The following PCDHGB7 variants were observed in gnomAD, a reference collection of about 807,000 sequenced individuals.
PCDHGB7 encodes protocadherin gamma-B7.
PCDHGB7 carries 37 observed loss-of-function variants against 61.4 expected under a neutral mutation model. The ratio of observed to expected loss-of-function variants is 0.60; its 90% CI spans 0.46 to 0.79. The LOEUF (loss-of-function observed/expected upper bound fraction) is 0.79. PCDHGB7 is among the 30% of genes least tolerant of loss of function. PCDHGB7 has a pLI of 0.00. For missense variants in PCDHGB7, 1,166 were observed against 1,202.5 expected, an observed-to-expected ratio of 0.97 and a Z score of 0.45; for synonymous variants, 464 against 503.5, an observed-to-expected ratio of 0.92 and a Z score of 1.05.
At chr5:141,433,935 T>G (rs2097665519) in intron 1 of PCDHGB7, among the ~76,000 whole-genome samples, 2 of 152,150 alleles carry the variant, frequency 1.3e-5, no homozygotes, top group African/African-American at 2.4e-5. Context: ...GATTTTATAA[T>G]TCCATTGTTT....
intron 1 of PCDHGB7, chr5:141,478,270 C>G (rs1347709530): frequency 5.6e-6 from 9 of 1,614,078 alleles, no homozygotes; most frequent in Non-Finnish European, 6.8e-6. Context: ...TCAAAGTTTA[C>G]AAGTGGAAGC....
intron 1 of PCDHGB7, among the ~76,000 whole-genome samples, chr5:141,456,073 A>G (rs1490650582): frequency 2.6e-5 from 4 of 151,252 alleles, no homozygotes; most frequent in Non-Finnish European, 5.9e-5. Flanking sequence ...AATTTTTTGT[A>G]TTTTCAGTAG....
At chr5:141,495,392 G>A (rs2099760968) in intron 2 of PCDHGB7, among the ~76,000 whole-genome samples, 2 of 152,186 alleles carry the variant, frequency 1.3e-5, no homozygotes, top group Non-Finnish European at 2.9e-5. Context: ...GGCGGGGCAT[G>A]GAGCAGGCCC....
chr5:141,511,359 T>C lies in PCDHGB7; in HGVS notation c.*186T>C. The stretch of plus-strand genomic sequence containing the variant: ...CACCTACCCCTTCCCCCCCAGGGGG[T>C]TGAATATGCAAAAGCAGTTCCGCTG... On this transcript the variant is annotated 3_prime_UTR_variant, in exon 4 of 4. Coordinates refer to ENST00000398594, the MANE Select transcript of PCDHGB7 (RefSeq NM_018927.4). The C allele has an allele frequency of 2.2e-6, 3 of 1,339,338 alleles. No homozygotes were observed. In the South Asian group the frequency reaches 4.6e-5, roughly 20 times the overall value. The allele number at this position is 1,339,338 out of a possible 1,614,324, so 83.0% of individuals were successfully genotyped here. A position where few individuals can be genotyped will look rare whatever the true frequency, so the allele number is the denominator to read the frequency against.
intron 1 of PCDHGB7, among the ~76,000 whole-genome samples, chr5:141,458,992 C>G (rs1268862644): frequency 6.6e-6 from 1 of 152,190 alleles, no homozygotes; most frequent in African/African-American, 2.4e-5. Flanking sequence ...CTCACCCTCC[C>G]AAAGTGCTGG....
Position 141,485,486 on chromosome 5 carries a change from C to T in PCDHGB7, c.2416-9321C>T, listed in dbSNP as rs2099614522. 6 of 1,614,102 alleles carry T rather than the reference C, an allele frequency of 3.7e-6. No individual in the cohort carries two copies. The highest frequency in any genetic ancestry group is 2.2e-5 in the East Asian group (1 of 44,866). The stretch of plus-strand genomic sequence containing the variant: ...TGGGCTCAGTGCCAGCTGCATCGTG[C>T]CCCTGGAGTTTGTCACCGAAGGTCC... On this transcript the variant is annotated intron_variant, in intron 1 of 3. Coordinates refer to ENST00000398594, the MANE Select transcript of PCDHGB7 (RefSeq NM_018927.4). This position sits in a 1 kb window ranked among gnomAD's most constrained non-coding sequence, Gnocchi z 5.7.
At chr5:141,503,814 T>C (rs539980053) in intron 2 of PCDHGB7, among the ~76,000 whole-genome samples, 2 of 152,100 alleles carry the variant, frequency 1.3e-5, no homozygotes, top group East Asian at 3.9e-4. Flanking sequence ...GAATCCCAGA[T>C]TGGGCAAAAC....
In PCDHGB7 at chr5:141,511,131, C is replaced by T; in HGVS notation, c.2748C>T (p.Gly916=). ...GGGATGGCAAGGCCCCAGCAGGTGG[C>T]AATGGCAACAAGAAGAAGTCGGGCA... is the stretch of plus-strand genomic sequence containing the variant. ...GKRDGKAPAG[G]NGNKKKSGKK... is the part of the protein sequence containing the mutation. The change falls in exon 4 of 4, where the codon GGC becomes GGT. Residue 916 remains glycine (G), a synonymous_variant. Coordinates refer to ENST00000398594, the MANE Select transcript of PCDHGB7 (RefSeq NM_018927.4). 2 of 1,614,202 alleles carry T rather than the reference C, an allele frequency of 1.2e-6. No homozygotes were observed. Among genetic ancestry groups the T allele is most frequent in the Non-Finnish European group, 1.7e-6 (2 of 1,180,020 alleles).
rs911954966 is a variant in PCDHGB7, at chr5:141,491,081, C to G, written c.2416-3726C>G. On this transcript the variant is annotated intron_variant, in intron 1 of 3. Coordinates refer to ENST00000398594, the MANE Select transcript of PCDHGB7 (RefSeq NM_018927.4). This position sits in a 1 kb window ranked among gnomAD's most constrained non-coding sequence, Gnocchi z 6.9. ...TCCTACTCACTGTTGCCACAGTCCACAGCCCCAGGACTGTTCCTCGTGTCT... is the reference window on the plus strand; with the variant it reads ...TCCTACTCACTGTTGCCACAGTCCAGAGCCCCAGGACTGTTCCTCGTGTCT... The G allele has an allele frequency of 4.3e-6, 7 of 1,614,176 alleles. No individual in the cohort carries two copies. Among genetic ancestry groups the G allele is most frequent in the Non-Finnish European group, 5.9e-6 (7 of 1,180,010 alleles).
In PCDHGB7 at chr5:141,431,770, T is replaced by G. The variant is rs748816389; in HGVS notation, c.2415+11496T>G. The G allele has an allele frequency of 3.7e-6, 6 of 1,614,204 alleles. No homozygotes were observed. In the South Asian group the frequency reaches 6.6e-5, roughly 18 times the overall value. ...CGCGAGCCAAAGTCCTGATCACTGT[T>G]CTGGACGTGAACGACAATGCCCCAG... On this transcript the variant is annotated intron_variant, in intron 1 of 3. Coordinates refer to ENST00000398594, the MANE Select transcript of PCDHGB7 (RefSeq NM_018927.4). The surrounding 1 kb of genome is among the most constrained non-coding windows in gnomAD (Gnocchi z 4.8).
intron 1 of PCDHGB7, among the ~76,000 whole-genome samples, chr5:141,443,210 G>A (rs142248407): frequency 3.2e-4 from 49 of 151,888 alleles, no homozygotes; most frequent in African/African-American, 9.4e-4. Context: ...AGCTTGTCTC[G>A]CCAGGCGCAT....
chr5:141,479,568 G>A (rs553213095), intron 1 of PCDHGB7: 2 of 152,346 alleles, frequency 1.3e-5, no homozygotes, highest in East Asian at 3.9e-4. Context: ...GTAGTGGGAT[G>A]ACATCTGTGA....
rs141034739 is a variant in PCDHGB7 at position 141,491,100 on chromosome 5, C to T, written c.2416-3707C>T. The T allele has an allele frequency of 2.7e-4, 430 of 1,614,138 alleles. No homozygotes were observed. The African/African-American group carries it at 4.7e-3, about 18-fold the overall frequency. ...AGTCCACAGCCCCAGGACTGTTCCT[C>T]GTGTCTACACACACTGGTGAGGTGC... On this transcript the variant is annotated intron_variant, in intron 1 of 3. Transcript: ENST00000398594. The surrounding 1 kb of genome is among the most constrained non-coding windows in gnomAD (Gnocchi z 6.9).
rs1488305057 is a variant in PCDHGB7, at chr5:141,477,736, C to A, written c.2416-17071C>A. ...AATTTGAATTAACAGCTCATATCAG[C>A]GATGGGGGCACCCCGGTCCTAGCCA... On this transcript the variant is annotated intron_variant, in intron 1 of 3. Transcript: ENST00000398594. This position sits in a 1 kb window ranked among gnomAD's most constrained non-coding sequence, Gnocchi z 4.9. The A allele has an allele frequency of 6.2e-7, 1 of 1,613,790 alleles. No homozygotes were observed. Among genetic ancestry groups the A allele is most frequent in the Non-Finnish European group, 8.5e-7 (1 of 1,180,024 alleles).
intron 1 of PCDHGB7, among the ~76,000 whole-genome samples, chr5:141,437,913 T>G (rs1232481433): frequency 6.6e-6 from 1 of 152,138 alleles, no homozygotes; most frequent in East Asian, 1.9e-4. Context: ...AATTTTTGTA[T>G]TTTTAGTAGA....
At chr5:141,447,130 T>A (rs2098527397) in intron 1 of PCDHGB7, among the ~76,000 whole-genome samples, 1 of 152,146 alleles carries the variant, frequency 6.6e-6, no homozygotes, top group Admixed American at 6.6e-5. Context: ...TTTTTTTGTT[T>A]GTTTGTTTTT....
intron 1 of PCDHGB7, among the ~76,000 whole-genome samples, chr5:141,425,668 T>C (rs2096887740): frequency 1.3e-5 from 2 of 152,260 alleles, no homozygotes; most frequent in South Asian, 4.1e-4. Context: ...GCACATCAGA[T>C]TGAAAATAAT....
intron 1 of PCDHGB7, among the ~76,000 whole-genome samples, chr5:141,468,064 C>T (rs1026571562): frequency 3.3e-5 from 5 of 152,076 alleles, no homozygotes; most frequent in Non-Finnish European, 7.4e-5. Flanking sequence ...GTGGCTCACA[C>T]CTGTAATCCC....
intron 1 of PCDHGB7, chr5:141,484,876 A>T (rs1461505847): frequency 6.3e-6 from 2 of 315,126 alleles, no homozygotes; most frequent in Admixed American, 9.4e-5. Flanking sequence ...CGTGGAGGAT[A>T]GGGTGGGCTT....
Sources: gnomAD v4.1 joint callset for allele counts (sites outside exome capture counted in the v4.1 genomes callset) on GRCh38, gnomAD v4.1.1 for gene constraint, Gnocchi (gnomAD v3.1) non-coding constraint, MANE v1.5 for transcripts, NCBI Gene and HGNC (gene_info 2026-07-23, HGNC 2026-07-21) for gene names.